Variants in CDK14 observed in about 807,000 individuals in gnomAD.
The protein encoded by CDK14 is cyclin-dependent kinase 14.
A neutral mutation model predicts 60.7 loss-of-function variants in CDK14; 34 were observed. The observed-to-expected ratio is 0.56, with a 90% CI of 0.43 to 0.75. CDK14 has a LOEUF of 0.75. Ranked by LOEUF, CDK14 falls within the 30% of genes least tolerant of loss-of-function variation. The pLI is 0.00. For missense variants in CDK14, 482 were observed against 564.1 expected (o/e 0.85, Z 1.47); for synonymous variants, 197 against 203.7 (o/e 0.97, Z 0.28).
At chr7:91,046,850 T>TG (rs1162410244) in intron 11 of CDK14, among the ~76,000 whole-genome samples, 1 of 152,198 alleles carries the variant, frequency 6.6e-6, no homozygotes, top group Admixed American at 6.5e-5. Context: ...TGTATTATTT[T>TG]GCTTCTCTTC....
At chr7:91,149,028 A>C (rs1800744624) in intron 14 of CDK14, among the ~76,000 whole-genome samples, 1 of 152,168 alleles carries the variant, frequency 6.6e-6, no homozygotes, top group South Asian at 2.1e-4. Flanking sequence ...GTTAATAATA[A>C]CATTTATTTA....
intron 2 of CDK14, among the ~76,000 whole-genome samples, chr7:90,639,778 C>G (rs548835322): frequency 6.9e-4 from 105 of 152,058 alleles, no homozygotes; most frequent in African/African-American, 2.4e-3. Flanking sequence ...CCACCCAGTT[C>G]GAGCTTCCCG....
chr7:91,184,703 G>C (rs552945161), intron 14 of CDK14, among the ~76,000 whole-genome samples: 1 of 152,322 alleles, frequency 6.6e-6, no homozygotes, highest in East Asian at 1.9e-4. Context: ...TTGGTGGGAT[G>C]AAGGCAGTAG....
chr7:90,989,616 G>A (rs1344710428), intron 10 of CDK14, among the ~76,000 whole-genome samples: 1 of 152,152 alleles, frequency 6.6e-6, no homozygotes, highest in African/African-American at 2.4e-5. Context: ...TGAGCAATTG[G>A]TCAGCAGATG....
chr7:90,735,268 C>T (rs1167298046), intron 3 of CDK14, among the ~76,000 whole-genome samples: 5 of 152,198 alleles, frequency 3.3e-5, no homozygotes, highest in Non-Finnish European at 7.3e-5. Context: ...AGGTGTCTCC[C>T]AGTCAGGATA....
At chr7:90,675,831 A>G in intron 2 of CDK14, among the ~76,000 whole-genome samples, 1 of 152,156 alleles carries the variant, frequency 6.6e-6, no homozygotes, top group East Asian at 1.9e-4. Flanking sequence ...ATTTGTTTAT[A>G]TTTTGCTTAC....
intron 4 of CDK14, among the ~76,000 whole-genome samples, chr7:90,764,274 C>T (rs1264113015): frequency 1.3e-5 from 2 of 152,120 alleles, no homozygotes; most frequent in Non-Finnish European, 2.9e-5. Context: ...ATCTAAAATT[C>T]AAATGACCTA....
At chr7:90,994,897 G>A (rs1035024872) in intron 10 of CDK14, among the ~76,000 whole-genome samples, 8 of 152,140 alleles carry the variant, frequency 5.3e-5, no homozygotes, top group Non-Finnish European at 7.4e-5. Flanking sequence ...TCCATAAAGC[G>A]TGTTTTCATA....
chr7:90,937,364 A>G (rs1211312838), intron 8 of CDK14, among the ~76,000 whole-genome samples: 1 of 152,216 alleles, frequency 6.6e-6, no homozygotes, highest in Non-Finnish European at 1.5e-5. Context: ...TATTTTACAT[A>G]AAATCAAATT....
intron 14 of CDK14, among the ~76,000 whole-genome samples, chr7:91,194,701 C>T (rs1802480529): frequency 6.6e-6 from 1 of 152,160 alleles, no homozygotes; most frequent in African/African-American, 2.4e-5. Context: ...TGACATTGTT[C>T]TTTAGCATCC....
At chr7:90,842,566 CAG>C (rs1790334132) in intron 5 of CDK14, among the ~76,000 whole-genome samples, 1 of 152,118 alleles carries the variant, frequency 6.6e-6, no homozygotes, top group Non-Finnish European at 1.5e-5. Flanking sequence ...TCAGAAGAAC[CAG>C]AGTGTGTCAG....
intron 5 of CDK14, among the ~76,000 whole-genome samples, chr7:90,829,757 T>C (rs962035030): frequency 3.3e-5 from 5 of 152,140 alleles, no homozygotes; most frequent in African/African-American, 1.2e-4. Context: ...GGTCTCAAAC[T>C]CCTGACCTCA....
chr7:90,708,924 A>G (rs1398201610), intron 2 of CDK14, among the ~76,000 whole-genome samples: 2 of 152,106 alleles, frequency 1.3e-5, no homozygotes, highest in Non-Finnish European at 2.9e-5. Context: ...GAGTGGATCA[A>G]CCACTCTCCT....
intron 14 of CDK14, among the ~76,000 whole-genome samples, chr7:91,152,976 T>C (rs1800868141): frequency 6.6e-6 from 1 of 152,174 alleles, no homozygotes; most frequent in Non-Finnish European, 1.5e-5. Flanking sequence ...GTCAAAGCTA[T>C]GCTCTGAAGA....
intron 10 of CDK14, among the ~76,000 whole-genome samples, chr7:90,998,467 G>A (rs1795747441): frequency 6.6e-6 from 1 of 152,204 alleles, no homozygotes; most frequent in African/African-American, 2.4e-5. Flanking sequence ...GTGCAGAAGT[G>A]AATAGACACT....
intron 5 of CDK14, among the ~76,000 whole-genome samples, chr7:90,837,431 G>C (rs1365482317): frequency 6.6e-6 from 1 of 151,836 alleles, no homozygotes; most frequent in Admixed American, 6.6e-5. Context: ...GGGACTGCAG[G>C]TGCCCACCAC....
chr7:91,173,146 T>A (rs191988739), intron 14 of CDK14, among the ~76,000 whole-genome samples: 101 of 141,320 alleles, frequency 7.1e-4, no homozygotes, highest in Non-Finnish European at 1.2e-3. Context: ...AACAAAAGGT[T>A]ACATTCACTT....
chr7:91,196,460 CTGAAT>C (rs1463560114), intron 14 of CDK14, among the ~76,000 whole-genome samples: 1 of 152,190 alleles, frequency 6.6e-6, no homozygotes, highest in Non-Finnish European at 1.5e-5. Context: ...CAAATGTTTC[CTGAAT>C]TGATTTAGGC....
intron 2 of CDK14, among the ~76,000 whole-genome samples, chr7:90,715,219 A>G (rs148038401): frequency 3.3e-5 from 5 of 152,190 alleles, no homozygotes; most frequent in Non-Finnish European, 7.4e-5. Context: ...AGTGAAACTC[A>G]AAAGTGAAAA....
Sources: gnomAD v4.1 joint callset for allele counts (sites outside exome capture counted in the v4.1 genomes callset) on GRCh38, gnomAD v4.1.1 for gene constraint, MANE v1.5 for transcripts, NCBI Gene and HGNC (gene_info 2026-07-23, HGNC 2026-07-21) for gene names.